Variants in GRIN2A observed in about 807,000 individuals in gnomAD.
GRIN2A encodes glutamate ionotropic receptor NMDA type subunit 2A.
In GRIN2A, 22 loss-of-function variants were observed where a neutral mutation model predicts 113.4. That is an observed-to-expected ratio of 0.19 (90% CI 0.14 to 0.28). The LOEUF (loss-of-function observed/expected upper bound fraction) is 0.28, where lower values mean the gene tolerates loss of function less well. GRIN2A is among the 10% of genes least tolerant of loss of function. The pLI, the probability that GRIN2A is intolerant of heterozygous loss-of-function variation, is 1.00. For synonymous variants in GRIN2A, 827 were observed against 738.4 expected (o/e 1.12, Z -1.94); for missense variants, 1,502 against 1,887.0 (o/e 0.80, Z 3.78).
intron 3 of GRIN2A, among the ~76,000 whole-genome samples, chr16:9,911,245 G>T (rs961434734): frequency 1.3e-5 from 2 of 152,138 alleles, no homozygotes; most frequent in African/African-American, 2.4e-5. Context: ...ACAGCATTCT[G>T]GGAGGCCAAG....
intron 8 of GRIN2A, among the ~76,000 whole-genome samples, chr16:9,833,024 G>A (rs1244499661): frequency 6.6e-6 from 1 of 152,156 alleles, no homozygotes; most frequent in Non-Finnish European, 1.5e-5. Flanking sequence ...TGGGGGATAT[G>A]AGACTTCAAG....
At chr16:9,932,988 G>C (rs1237598641) in intron 3 of GRIN2A, among the ~76,000 whole-genome samples, 1 of 152,194 alleles carries the variant, frequency 6.6e-6, no homozygotes, top group East Asian at 1.9e-4. Flanking sequence ...CAACAGCCGG[G>C]ATTCCACCAG....
intron 3 of GRIN2A, among the ~76,000 whole-genome samples, chr16:9,896,944 T>G (rs1555449831): frequency 1.3e-5 from 2 of 152,246 alleles, no homozygotes; most frequent in Non-Finnish European, 2.9e-5. Context: ...GTCATTGTTT[T>G]GCTTATCTCT....
At chr16:9,809,029 A>G (rs2042035296) in intron 10 of GRIN2A, among the ~76,000 whole-genome samples, 1 of 152,200 alleles carries the variant, frequency 6.6e-6, no homozygotes, top group Non-Finnish European at 1.5e-5. Context: ...GCTCTCCAAA[A>G]CATATCGTTC....
At chr16:9,907,584 C>T (rs1416943471) in intron 3 of GRIN2A, among the ~76,000 whole-genome samples, 1 of 151,868 alleles carries the variant, frequency 6.6e-6, no homozygotes, top group African/African-American at 2.4e-5. Context: ...TACAGTCATG[C>T]CTCCAACAGT....
chr16:10,005,838 T>C (rs2046396193), intron 2 of GRIN2A, among the ~76,000 whole-genome samples: 1 of 152,222 alleles, frequency 6.6e-6, no homozygotes, highest in African/African-American at 2.4e-5. Context: ...TCCAGTGAAA[T>C]GACATGATCA....
At chr16:9,811,111 T>TG (rs2042078848) in intron 10 of GRIN2A, among the ~76,000 whole-genome samples, 1 of 152,150 alleles carries the variant, frequency 6.6e-6, no homozygotes, top group Non-Finnish European at 1.5e-5. Flanking sequence ...AATTTTACTG[T>TG]GGGGAGAAAG....
intron 2 of GRIN2A, among the ~76,000 whole-genome samples, chr16:10,133,623 T>C (rs1043616130): frequency 1.3e-5 from 2 of 151,882 alleles, no homozygotes; most frequent in Non-Finnish European, 2.9e-5. Flanking sequence ...AAATAATAAT[T>C]ATAAATAAAT....
At chr16:10,069,102 G>C (rs1308647623) in intron 2 of GRIN2A, among the ~76,000 whole-genome samples, 1 of 152,028 alleles carries the variant, frequency 6.6e-6, no homozygotes, top group Non-Finnish European at 1.5e-5. Context: ...AGGCTATTCA[G>C]AAGAGAAGTG....
chr16:9,776,192 C>T (rs982386026), intron 11 of GRIN2A, among the ~76,000 whole-genome samples: 8 of 151,900 alleles, frequency 5.3e-5, no homozygotes, highest in African/African-American at 1.9e-4. Flanking sequence ...GTGTATAGCT[C>T]AGAGGTATCC....
chr16:9,964,118 T>C (rs2045503437), intron 2 of GRIN2A, among the ~76,000 whole-genome samples: 1 of 152,188 alleles, frequency 6.6e-6, no homozygotes, highest in African/African-American at 2.4e-5. Flanking sequence ...GCAGCAGAGA[T>C]TGCAGGTGAC....
Position 10,116,581 on chromosome 16 carries a change from G to C in GRIN2A, c.414+63417C>G, listed in dbSNP as rs188855479. On this transcript the variant is annotated intron_variant, in intron 2 of 12. Transcript: ENST00000330684. ...AGAGCAGATGCTAAAGCAAGAAACT[G>C]GGGGGACATGGTTTAGTTGGAAGGT... is the stretch of plus-strand genomic sequence containing the variant. 1.4e-4 allele frequency among the ~76,000 whole-genome samples: 22 copies of C among 152,312 alleles called. No individual in the cohort carries two copies. In the East Asian group the frequency reaches 3.3e-3, roughly 23 times the overall value.
intron 2 of GRIN2A, among the ~76,000 whole-genome samples, chr16:10,103,924 G>A (rs921977620): frequency 6.6e-6 from 1 of 152,148 alleles, no homozygotes; most frequent in Non-Finnish European, 1.5e-5. Flanking sequence ...TCTCAGAAAT[G>A]CAAACATTTA....
intron 3 of GRIN2A, among the ~76,000 whole-genome samples, chr16:9,928,651 ACCT>A (rs530524137): frequency 6.6e-6 from 1 of 151,250 alleles, no homozygotes; most frequent in African/African-American, 2.4e-5. Context: ...AAGCTCTATC[ACCT>A]CCTCATCTCT....
intron 2 of GRIN2A, among the ~76,000 whole-genome samples, chr16:10,101,631 G>C (rs1357482333): frequency 1.3e-5 from 2 of 152,154 alleles, no homozygotes; most frequent in South Asian, 2.1e-4. Context: ...TCCATTATTT[G>C]GGATACCAAT....
intron 2 of GRIN2A, among the ~76,000 whole-genome samples, chr16:10,004,337 C>T (rs2046370272): frequency 1.3e-5 from 2 of 150,742 alleles, no homozygotes; most frequent in South Asian, 2.1e-4. Context: ...TACAGTGAGC[C>T]GAGATCACAC....
Position 9,962,388 on chromosome 16 carries a change from T to A in GRIN2A, c.415-23837A>T, listed in dbSNP as rs557024492. On this transcript the variant is annotated intron_variant, in intron 2 of 12. Transcript: ENST00000330684. ...TCTGACAAAGGGCTAATATCCAGAA[T>A]CTACAATGAACTCAAACAAATTTAC... Among the ~76,000 whole-genome samples, 5 of 152,052 alleles carry A rather than the reference T, an allele frequency of 3.3e-5. No individual in the cohort carries two copies. The East Asian group carries it at 9.7e-4, about 29-fold the overall frequency.
intron 4 of GRIN2A, among the ~76,000 whole-genome samples, chr16:9,878,867 ACACACACACACG>A (rs1417056103): frequency 6.7e-6 from 1 of 148,452 alleles, no homozygotes; most frequent in Admixed American, 6.6e-5. Context: ...ACACACACAC[ACACACACACACG>A]CACACACAGT....
At chr16:9,878,937 T>G (rs1311647839) in intron 4 of GRIN2A, among the ~76,000 whole-genome samples, 1 of 152,070 alleles carries the variant, frequency 6.6e-6, no homozygotes, top group Admixed American at 6.6e-5. Context: ...TTCAGTTGAA[T>G]GTGTTAATTT....
Sources: allele counts gnomAD v4.1 joint callset (sites outside exome capture counted in the v4.1 genomes callset), GRCh38; gene constraint gnomAD v4.1.1; transcripts MANE v1.5; gene names NCBI Gene and HGNC (gene_info 2026-07-23, HGNC 2026-07-21).